Variants in SYT2 observed in about 807,000 individuals in gnomAD.
The protein encoded by SYT2 is synaptotagmin 2.
A neutral mutation model predicts 39.9 loss-of-function variants in SYT2; 15 were observed. The observed-to-expected ratio is 0.38, with a 90% CI of 0.25 to 0.58. The LOEUF (loss-of-function observed/expected upper bound fraction) is 0.58, where lower values mean the gene tolerates loss of function less well. Among genes scored for constraint, SYT2 ranks in the 20% least tolerant of loss-of-function variants. The pLI, the probability that SYT2 is intolerant of heterozygous loss-of-function variation, is 0.70. For missense variants in SYT2, 389 were observed against 530.3 expected, an observed-to-expected ratio of 0.73 and a Z score of 2.62; for synonymous variants, 181 against 204.5, an observed-to-expected ratio of 0.89 and a Z score of 0.98.
rs79368122 is a variant in SYT2, at chr1:202,642,466, T to C, written c.-17-36677A>G. The stretch of plus-strand genomic sequence containing the variant: ...GTCCAAGGTCACACAGCAAACTGAG[T>C]AGGGCCCTCGTTTCCACTGCCCAGC... On this transcript the variant is annotated intron_variant, in intron 1 of 8. Coordinates refer to ENST00000367268, the MANE Select transcript of SYT2 (RefSeq NM_177402.5). Among the ~76,000 whole-genome samples the C allele has an allele frequency of 2.0e-3, 304 of 151,844 alleles. 5 individuals carry two copies. In the East Asian group the frequency reaches 0.042, roughly 21 times the overall value.
intron 3 of SYT2, 103 bp downstream of exon 3, chr1:202,604,352 C>G (rs1690626110): frequency 2.6e-6 from 3 of 1,157,794 alleles, no homozygotes; most frequent in East Asian, 4.7e-5. Context: ...AGGAGGGGAG[C>G]AGGTTTGGCT....
At chr1:202,697,450 C>T (rs894269882) in intron 1 of SYT2, among the ~76,000 whole-genome samples, 7 of 152,256 alleles carry the variant, frequency 4.6e-5, no homozygotes, top group Non-Finnish European at 8.8e-5. Flanking sequence ...CATCGGTACA[C>T]GAACTTGTGT....
rs1037640406 is a variant in SYT2, at chr1:202,595,877, A to T, written c.*880T>A. On this transcript the variant is annotated 3_prime_UTR_variant, in exon 9 of 9. Coordinates refer to ENST00000367268, the MANE Select transcript of SYT2 (RefSeq NM_177402.5). ...CAATAAGAGTGAGATTTTGGGACTG[A>T]GAGTCCCTGTTAGTCTGACCCAACT... 6.6e-6 allele frequency: 1 copy of T among 152,162 alleles called. No individual in the cohort carries two copies. The highest frequency in any genetic ancestry group is 2.4e-5 in the African/African-American group (1 of 41,440). The allele number at this position is 152,162 out of a possible 1,614,324, so 9.4% of individuals were successfully genotyped here.
chr1:202,602,625 C>A, intron 4 of SYT2, 80 bp from the exon 5 acceptor site: 1 of 1,409,990 alleles, frequency 7.1e-7, no homozygotes, highest in Non-Finnish European at 9.6e-7. Flanking sequence ...CCAGCACCCA[C>A]CAATTCCGTC....
Position 202,615,411 on chromosome 1 carries a change from A to C in SYT2, c.-17-9622T>G, listed in dbSNP as rs527455295. Among the ~76,000 whole-genome samples, 13 of 152,152 alleles carry C rather than the reference A, an allele frequency of 8.5e-5. No individual in the cohort carries two copies. In the East Asian group the frequency reaches 1.5e-3, roughly 18 times the overall value. The stretch of plus-strand genomic sequence containing the variant: ...AGCCTTGGGGTCATCCTTCCCATCC[A>C]TGTGGGGTCACCCCCCCACATCCCA... On this transcript the variant is annotated intron_variant, in intron 1 of 8. Coordinates refer to ENST00000367268, the MANE Select transcript of SYT2 (RefSeq NM_177402.5).
chr1:202,613,097 T>C (rs6688284), intron 1 of SYT2, among the ~76,000 whole-genome samples: 11,689 of 122,512 alleles, frequency 0.095, 1,664 homozygotes, highest in East Asian at 0.36. Flanking sequence ...TTTTTTTTTT[T>C]CCAGACAGAG....
At chr1:202,644,483 T>G (rs1481365733) in intron 1 of SYT2, among the ~76,000 whole-genome samples, 1 of 151,980 alleles carries the variant, frequency 6.6e-6, no homozygotes, top group Admixed American at 6.5e-5. Flanking sequence ...CGATAAGACC[T>G]CGGGGCCACA....
chr1:202,611,646 G>A (rs576888045), intron 1 of SYT2, among the ~76,000 whole-genome samples: 1 of 152,286 alleles, frequency 6.6e-6, no homozygotes, highest in South Asian at 2.1e-4. Context: ...ATGAGCCACT[G>A]TGCCTGGTCA....
At chr1:202,619,594 G>C (rs1228022409) in intron 1 of SYT2, among the ~76,000 whole-genome samples, 3 of 152,258 alleles carry the variant, frequency 2.0e-5, no homozygotes, top group Non-Finnish European at 4.4e-5. Context: ...AGAAAACTCA[G>C]TGGACTGGAA....
At chr1:202,694,495 A>G (rs543582442) in intron 1 of SYT2, among the ~76,000 whole-genome samples, 1 of 152,252 alleles carries the variant, frequency 6.6e-6, no homozygotes, top group South Asian at 2.1e-4. Context: ...CCACGTGGTG[A>G]GGGACACCTG....
intron 1 of SYT2, among the ~76,000 whole-genome samples, chr1:202,657,255 G>A (rs1692293336): frequency 6.6e-6 from 1 of 152,176 alleles, no homozygotes; most frequent in Admixed American, 6.5e-5. Context: ...ACCCACACAA[G>A]AGCCACGTTC....
Position 202,691,725 on chromosome 1 carries a change from GAGGGGGGGA to G in SYT2, c.-18+18524_-18+18532del, listed in dbSNP as rs1558463368. ...AGAGGGAGAGGGAGAGGGAGAGGGA[GAGGGGGGGA>G]GAGAGAGAGAGAGAGAGAGAGAGAG... On this transcript the variant is annotated intron_variant, in intron 1 of 8. Coordinates refer to ENST00000367268, the MANE Select transcript of SYT2 (RefSeq NM_177402.5). Among the ~76,000 whole-genome samples the G allele has an allele frequency of 6.9e-3, 113 of 16,358 alleles. 5 individuals carry two copies. The highest frequency in any genetic ancestry group is 0.021 in the East Asian group (8 of 374). The allele number at this position is 16,358 out of a possible 152,430, so 10.7% of individuals were successfully genotyped here. A position where few individuals can be genotyped will look rare whatever the true frequency, so the allele number is the denominator to read the frequency against.
Position 202,600,575 on chromosome 1 carries a change from C to T in SYT2, c.802-101G>A, listed in dbSNP as rs1446261431. On this transcript the variant is annotated intron_variant, in intron 6 of 8. Transcript: ENST00000367268. ...CAAAATTAGCAAGGCAGTGATGTGT[C>T]CCTGCCTCCCTCATCACCAGTCCCC... The T allele has an allele frequency of 5.1e-6, 5 of 985,284 alleles. No individual in the cohort carries two copies. In the African/African-American group the frequency reaches 8.0e-5, roughly 16 times the overall value. The allele number at this position is 985,284 out of a possible 1,614,324, so 61.0% of individuals were successfully genotyped here.
At chr1:202,704,854 C>T (rs1654209167) in intron 1 of SYT2, among the ~76,000 whole-genome samples, 2 of 152,170 alleles carry the variant, frequency 1.3e-5, no homozygotes, top group African/African-American at 4.8e-5. Flanking sequence ...CCTGGGGCCT[C>T]CCTCCTTGCT....
Position 202,646,906 on chromosome 1 carries a change from G to A in SYT2, c.-17-41117C>T, listed in dbSNP as rs574867600. 5.3e-5 allele frequency among the ~76,000 whole-genome samples: 8 copies of A among 152,254 alleles called. 1 individual carries two copies. In the East Asian group the frequency reaches 1.5e-3, roughly 29 times the overall value. On this transcript the variant is annotated intron_variant, in intron 1 of 8. Coordinates refer to ENST00000367268, the MANE Select transcript of SYT2 (RefSeq NM_177402.5). ...CTGAAATCCTAACTTCTCCCTCTAGGCTTCCTGGACAAGGTGGACAGCAGC... is the reference window on the plus strand; with the variant it reads ...CTGAAATCCTAACTTCTCCCTCTAGACTTCCTGGACAAGGTGGACAGCAGC...
chr1:202,640,082 T>A (rs1186688670), intron 1 of SYT2, among the ~76,000 whole-genome samples: 1 of 152,204 alleles, frequency 6.6e-6, no homozygotes, highest in Non-Finnish European at 1.5e-5. Context: ...CAAGCCAAGA[T>A]GGGAACCTAG....
Position 202,596,846 on chromosome 1 carries a change from T to C in SYT2, c.1171A>G (p.Met391Val), listed in dbSNP as rs1690315990. The change falls in exon 9 of 9, where the codon ATG (methionine) becomes GTG (valine). Residue 391 changes from methionine to valine, a missense_variant. Physicochemically the swap from Met to Val is conservative, Grantham distance 21. Around this residue, in one of 4 missense-constraint regions of SYT2, gnomAD observed 84 missense variants for 123.1 expected, o/e 0.68. Transcript: ENST00000367268. ...TGTELRHWSD[M>V]LANPRRPIAQ... The stretch of plus-strand genomic sequence containing the variant: ...ATGGGCCTCCGGGGGTTGGCCAGCA[T>C]GTCGGACCAGTGCCGCAGCTCTGTG... 1.2e-6 allele frequency: 2 copies of C among 1,614,224 alleles called. No homozygotes were observed. Among genetic ancestry groups the C allele is most frequent in the South Asian group, 1.1e-5 (1 of 91,090 alleles).
chr1:202,679,894 C>G (rs1653482223), intron 1 of SYT2, among the ~76,000 whole-genome samples: 1 of 152,224 alleles, frequency 6.6e-6, no homozygotes, highest in South Asian at 2.1e-4. Context: ...CTGTGCCACA[C>G]TTTTCTACTG....
At chr1:202,638,656 G>A (rs555305656) in intron 1 of SYT2, among the ~76,000 whole-genome samples, 3 of 152,254 alleles carry the variant, frequency 2.0e-5, no homozygotes, top group Non-Finnish European at 4.4e-5. Context: ...TATTTAATGC[G>A]GAAAATCCAA....
Sources: gnomAD v4.1 joint callset for allele counts (sites outside exome capture counted in the v4.1 genomes callset) on GRCh38, gnomAD v4.1.1 for gene constraint, gnomAD v4.1.1 regional missense constraint, MANE v1.5 for transcripts, NCBI Gene and HGNC (gene_info 2026-07-23, HGNC 2026-07-21) for gene names.